XYLT1: variants seen among roughly 807,000 people sequenced by gnomAD.
XYLT1 encodes the protein xylosyltransferase 1.
In XYLT1, 36 loss-of-function variants were observed where a neutral mutation model predicts 91.3. The observed-to-expected ratio is 0.39, with a 90% confidence interval of 0.30 to 0.52. The LOEUF is 0.52. XYLT1 is among the 20% of genes least tolerant of loss of function. XYLT1 has a pLI of 0.68. For missense variants in XYLT1, 1,242 were observed against 1,284.5 expected, an observed-to-expected ratio of 0.97 and a Z score of 0.51; for synonymous variants, 588 against 532.0, an observed-to-expected ratio of 1.11 and a Z score of -1.45.
intron 1 of XYLT1, among the ~76,000 whole-genome samples, chr16:17,411,069 G>A (rs926795655): frequency 6.6e-6 from 1 of 152,172 alleles, no homozygotes; most frequent in Non-Finnish European, 1.5e-5. Flanking sequence ...TGCCTGCCTG[G>A]GTCTGAACCC....
chr16:17,277,582 G>T (rs1473559341), intron 2 of XYLT1, among the ~76,000 whole-genome samples: 2 of 152,022 alleles, frequency 1.3e-5, no homozygotes, highest in Admixed American at 1.3e-4. Flanking sequence ...TAGAGACGGG[G>T]TTTCACCATG....
intron 1 of XYLT1, among the ~76,000 whole-genome samples, chr16:17,460,454 A>AG (rs2036803758): frequency 1.3e-5 from 2 of 152,336 alleles, no homozygotes; most frequent in South Asian, 4.1e-4. Flanking sequence ...CCATCATGCC[A>AG]GGGCAAGGCA....
At chr16:17,241,570 T>C (rs2033346204) in intron 3 of XYLT1, among the ~76,000 whole-genome samples, 1 of 152,142 alleles carries the variant, frequency 6.6e-6, no homozygotes, top group Non-Finnish European at 1.5e-5. Flanking sequence ...ATTTCAGTTT[T>C]GCAAAACGAA....
chr16:17,166,155 A>G (rs1481603091), intron 5 of XYLT1, among the ~76,000 whole-genome samples: 2 of 152,216 alleles, frequency 1.3e-5, no homozygotes, highest in African/African-American at 4.8e-5. Context: ...GGAGGCTCAC[A>G]TGGAGATGGA....
At chr16:17,203,411 T>A (rs2032579546) in intron 3 of XYLT1, among the ~76,000 whole-genome samples, 1 of 152,126 alleles carries the variant, frequency 6.6e-6, no homozygotes, top group Non-Finnish European at 1.5e-5. Flanking sequence ...CATCCATTCA[T>A]CCATCCACCA....
At position 17,339,657 on chromosome 16, in the gene XYLT1, T is replaced by G. The variant is rs1339397263; in HGVS notation, c.402+18355A>C. ...AATTTTGACCAGATTCCGAAGGGAT[T>G]TACAACACAGAGAAGGTGACACTAT... On this transcript the variant is annotated intron_variant, in intron 2 of 11. Transcript: ENST00000261381. Among the ~76,000 whole-genome samples, 8 of 152,098 alleles carry G rather than the reference T, an allele frequency of 5.3e-5. No individual in the cohort carries two copies. The East Asian group carries it at 9.6e-4, about 18-fold the overall frequency.
chr16:17,207,674 G>A (rs1195933883), intron 3 of XYLT1, among the ~76,000 whole-genome samples: 1 of 152,176 alleles, frequency 6.6e-6, no homozygotes, highest in Non-Finnish European at 1.5e-5. Context: ...GGTGGTCTGT[G>A]GACCCTTGCT....
At chr16:17,386,735 TA>T (rs386789459) in intron 1 of XYLT1, among the ~76,000 whole-genome samples, 1 of 151,932 alleles carries the variant, frequency 6.6e-6, no homozygotes, top group Non-Finnish European at 1.5e-5. Flanking sequence ...GCCCCTATTA[TA>T]AGAGCACTGA....
intron 1 of XYLT1, among the ~76,000 whole-genome samples, chr16:17,389,224 C>A (rs938264369): frequency 6.6e-6 from 1 of 150,764 alleles, no homozygotes; most frequent in Non-Finnish European, 1.5e-5. Context: ...GCATAGAAAG[C>A]CTTTAACAAA....
intron 1 of XYLT1, among the ~76,000 whole-genome samples, chr16:17,378,250 G>A (rs1034219483): frequency 1.3e-5 from 2 of 152,124 alleles, no homozygotes; most frequent in Non-Finnish European, 2.9e-5. Context: ...GTGTGAGAAA[G>A]AGGAAGAGAC....
chr16:17,109,399 T>C (rs1485016145), intron 11 of XYLT1, among the ~76,000 whole-genome samples: 2 of 152,154 alleles, frequency 1.3e-5, no homozygotes, highest in African/African-American at 4.8e-5. Context: ...TAAAGACATA[T>C]TAAGTACCTA....
At chr16:17,151,088 G>A (rs552200317) in intron 6 of XYLT1, among the ~76,000 whole-genome samples, 30 of 152,302 alleles carry the variant, frequency 2.0e-4, no homozygotes, top group East Asian at 1.4e-3. Context: ...GGGAAACTCC[G>A]CAGTCAGCAC....
At chr16:17,363,138 G>A (rs912667602) in intron 1 of XYLT1, among the ~76,000 whole-genome samples, 5 of 152,264 alleles carry the variant, frequency 3.3e-5, no homozygotes, top group South Asian at 2.1e-4. Context: ...CTCATGACTC[G>A]AGCCTGCTGG....
chr16:17,190,661 A>T (rs1018225347), intron 5 of XYLT1, among the ~76,000 whole-genome samples: 2 of 152,042 alleles, frequency 1.3e-5, no homozygotes, highest in African/African-American at 4.8e-5. Context: ...TCCATGGTGT[A>T]TATGTGCCAC....
intron 5 of XYLT1, among the ~76,000 whole-genome samples, chr16:17,174,918 GCAC>G (rs550986083): frequency 5.7e-4 from 86 of 152,180 alleles, no homozygotes; most frequent in African/African-American, 2.0e-3. Flanking sequence ...TTACAGACAT[GCAC>G]CACCACATCT....
intron 5 of XYLT1, among the ~76,000 whole-genome samples, chr16:17,178,174 G>A (rs553375207): frequency 6.6e-5 from 10 of 152,164 alleles, no homozygotes; most frequent in South Asian, 2.1e-4. Flanking sequence ...GTCTCCTCTC[G>A]GCCGCCCCTG....
rs763890803 is a variant in XYLT1, at chr16:17,167,903, C to T, written c.1290-8994G>A. Among the ~76,000 whole-genome samples, 91 of 152,190 alleles carry T rather than the reference C, an allele frequency of 6.0e-4. 1 individual carries two copies. The highest frequency in any genetic ancestry group is 2.1e-4 in the South Asian group (1 of 4,838). ...TGAATGGATTCTAAACCATCTTTCC[C>T]CACGGCTTATCTGGGGGAGGAGGAG... is the stretch of plus-strand genomic sequence containing the variant. On this transcript the variant is annotated intron_variant, in intron 5 of 11. Transcript: ENST00000261381.
At chr16:17,262,339 C>T (rs1205595272) in intron 2 of XYLT1, among the ~76,000 whole-genome samples, 3 of 152,120 alleles carry the variant, frequency 2.0e-5, no homozygotes, top group East Asian at 1.9e-4. Flanking sequence ...TTGGGGATGT[C>T]GAGTAATTTG....
At chr16:17,415,304 G>A (rs964425396) in intron 1 of XYLT1, among the ~76,000 whole-genome samples, 1 of 152,200 alleles carries the variant, frequency 6.6e-6, no homozygotes. Flanking sequence ...TGGTGCAGGA[G>A]TTGAGAACAC....
Sources: allele counts gnomAD v4.1 joint callset (sites outside exome capture counted in the v4.1 genomes callset), GRCh38; gene constraint gnomAD v4.1.1; transcripts MANE v1.5; gene names NCBI Gene and HGNC (gene_info 2026-07-23, HGNC 2026-07-21).